Variants in CDH13 observed in about 807,000 individuals in gnomAD.
The protein encoded by CDH13 is cadherin 13.
In CDH13, 24 loss-of-function variants were observed where a neutral mutation model predicts 63.8. The ratio of observed to expected loss-of-function variants is 0.38; its 90% CI spans 0.27 to 0.53. The LOEUF is 0.53. Among genes scored for constraint, CDH13 ranks in the 20% least tolerant of loss-of-function variants. The pLI, the probability that CDH13 is intolerant of heterozygous loss-of-function variation, is 0.85. For missense variants in CDH13, 1,049 were observed against 903.1 expected (o/e 1.16, Z -2.07); for synonymous variants, 503 against 355.3 (o/e 1.42, Z -4.67).
intron 1 of CDH13, among the ~76,000 whole-genome samples, chr16:82,739,624 C>T (rs943730987): frequency 4.0e-4 from 61 of 152,126 alleles, no homozygotes; most frequent in African/African-American, 1.4e-3. Flanking sequence ...AATGAAGACA[C>T]GGGAATTTGC....
chr16:82,638,453 T>G (rs1908957289), intron 1 of CDH13, among the ~76,000 whole-genome samples: 1 of 152,230 alleles, frequency 6.6e-6, no homozygotes, highest in Non-Finnish European at 1.5e-5. Flanking sequence ...ATGCTTGCCC[T>G]GCAGGATTTT....
intron 5 of CDH13, among the ~76,000 whole-genome samples, chr16:83,283,693 G>A (rs1275444954): frequency 1.3e-5 from 2 of 152,092 alleles, no homozygotes; most frequent in Non-Finnish European, 2.9e-5. Context: ...TCCCTGAGGT[G>A]CCTTTTCCCT....
chr16:83,377,925 T>A (rs2091487208), intron 6 of CDH13, among the ~76,000 whole-genome samples: 1 of 152,160 alleles, frequency 6.6e-6, no homozygotes, highest in Non-Finnish European at 1.5e-5. Flanking sequence ...AGTACCCCTC[T>A]GGAAAGAAGC....
At chr16:82,631,731 T>G (rs1300961525) in intron 1 of CDH13, among the ~76,000 whole-genome samples, 1 of 152,048 alleles carries the variant, frequency 6.6e-6, no homozygotes, top group Non-Finnish European at 1.5e-5. Flanking sequence ...TATTCTAGAG[T>G]TAGGGTGGAA....
At chr16:83,129,776 G>C (rs1430169669) in intron 4 of CDH13, among the ~76,000 whole-genome samples, 3 of 152,244 alleles carry the variant, frequency 2.0e-5, no homozygotes, top group Non-Finnish European at 4.4e-5. Flanking sequence ...GCAGCCACCA[G>C]TCTGCTGGTC....
At chr16:83,770,430 T>A (rs1914683512) in intron 11 of CDH13, among the ~76,000 whole-genome samples, 1 of 152,070 alleles carries the variant, frequency 6.6e-6, no homozygotes, top group African/African-American at 2.4e-5. Flanking sequence ...CTTAAACAGG[T>A]GACATGCTTG....
At chr16:82,669,688 C>A (rs1913007815) in intron 1 of CDH13, among the ~76,000 whole-genome samples, 1 of 152,312 alleles carries the variant, frequency 6.6e-6, no homozygotes, top group African/African-American at 2.4e-5. Context: ...GTTGGCAAAC[C>A]TTTTCCATAC....
intron 6 of CDH13, among the ~76,000 whole-genome samples, chr16:83,425,322 G>T (rs1305927838): frequency 1.3e-5 from 2 of 152,228 alleles, no homozygotes; most frequent in Non-Finnish European, 2.9e-5. Flanking sequence ...CGGAAAGGTG[G>T]TCATTTGGCT....
Position 82,667,673 on chromosome 16 carries a change from G to A in CDH13, c.45+40536G>A, listed in dbSNP as rs2075278435. On this transcript the variant is annotated intron_variant, in intron 1 of 13. Transcript: ENST00000567109. Reference sequence around the variant, plus strand: ...AGAGCTGAGATGTGACGTGAGTGAGGAAGGCGAAGCAGTGCACCCATGATG... The same window carrying A: ...AGAGCTGAGATGTGACGTGAGTGAGAAAGGCGAAGCAGTGCACCCATGATG... Among the ~76,000 whole-genome samples the A allele has an allele frequency of 2.0e-5, 3 of 152,162 alleles. No homozygotes were observed. The South Asian group carries it at 6.2e-4, about 32-fold the overall frequency.
At chr16:83,132,691 G>A (rs755155474) in intron 4 of CDH13, among the ~76,000 whole-genome samples, 3 of 152,120 alleles carry the variant, frequency 2.0e-5, no homozygotes, top group South Asian at 2.1e-4. Context: ...GCCTCCCAAA[G>A]GGTGGGGATT....
intron 2 of CDH13, among the ~76,000 whole-genome samples, chr16:82,922,978 T>C (rs2042201903): frequency 6.6e-6 from 1 of 152,164 alleles, no homozygotes; most frequent in African/African-American, 2.4e-5. Flanking sequence ...ATATGAGTCA[T>C]ATTTATACTG....
At chr16:83,745,304 T>C (rs1034926635) in intron 10 of CDH13, among the ~76,000 whole-genome samples, 1 of 152,152 alleles carries the variant, frequency 6.6e-6, no homozygotes, top group Non-Finnish European at 1.5e-5. Flanking sequence ...ACATCCACTT[T>C]GCAGGACAAA....
intron 1 of CDH13, among the ~76,000 whole-genome samples, chr16:82,855,869 G>A (rs1050038938): frequency 6.6e-6 from 1 of 152,140 alleles, no homozygotes; most frequent in African/African-American, 2.4e-5. Flanking sequence ...TCAGAGGGCT[G>A]GTATTTAGAG....
chr16:82,966,366 C>G (rs1191263937), intron 2 of CDH13, among the ~76,000 whole-genome samples: 1 of 152,046 alleles, frequency 6.6e-6, no homozygotes, highest in Non-Finnish European at 1.5e-5. Flanking sequence ...CTAGGATGGT[C>G]TCGATTTCCT....
At chr16:83,254,994 TCTTTCTTTCTTTCTTTC>T (rs1906072495) in intron 5 of CDH13, among the ~76,000 whole-genome samples, 1 of 18,626 alleles carries the variant, frequency 5.4e-5, no homozygotes, top group African/African-American at 1.1e-4. Context: ...TTTCTTTCTT[TCTTTCTTTCTTTCTTTC>T]TTTTTTGCAG....
chr16:82,655,934 C>A (rs187578158), intron 1 of CDH13, among the ~76,000 whole-genome samples: 212 of 152,190 alleles, frequency 1.4e-3, no homozygotes, highest in African/African-American at 4.9e-3. Context: ...GTGCCAGGAT[C>A]TGTATGAGGT....
At chr16:83,372,481 C>T (rs565672166) in intron 6 of CDH13, among the ~76,000 whole-genome samples, 12 of 152,120 alleles carry the variant, frequency 7.9e-5, no homozygotes, top group Non-Finnish European at 1.0e-4. Flanking sequence ...GGGTCGGGTG[C>T]GGTGGCTCAT....
intron 6 of CDH13, among the ~76,000 whole-genome samples, chr16:83,433,408 A>G (rs1207967972): frequency 6.6e-6 from 1 of 152,226 alleles, no homozygotes; most frequent in Non-Finnish European, 1.5e-5. Context: ...CTAATTCAGC[A>G]TTTATGTGAA....
At chr16:82,714,071 T>A (rs961476507) in intron 1 of CDH13, among the ~76,000 whole-genome samples, 46 of 152,124 alleles carry the variant, frequency 3.0e-4, no homozygotes, top group African/African-American at 1.0e-3. Context: ...AGTGCTGGAA[T>A]TACAGGTGTG....
Sources: gnomAD v4.1 joint callset for allele counts (sites outside exome capture counted in the v4.1 genomes callset) on GRCh38, gnomAD v4.1.1 for gene constraint, MANE v1.5 for transcripts, NCBI Gene and HGNC (gene_info 2026-07-23, HGNC 2026-07-21) for gene names.